The following TBL1X variants were observed in gnomAD, a reference collection of about 807,000 sequenced individuals.
TBL1X encodes the protein transducin beta like 1 X-linked.
A neutral mutation model predicts 50.7 loss-of-function variants in TBL1X; 10 were observed. That is an observed-to-expected ratio of 0.20 (90% CI 0.12 to 0.33). The LOEUF (loss-of-function observed/expected upper bound fraction) is 0.33, where lower values mean the gene tolerates loss of function less well. Ranked by LOEUF, TBL1X falls within the 10% of genes least tolerant of loss-of-function variation. The pLI is 1.00. For synonymous variants in TBL1X, 190 were observed against 214.7 expected (o/e 0.88, Z 1.01); for missense variants, 340 against 504.4 (o/e 0.67, Z 3.12).
At chrX:9,637,644 C>T (rs191601099) in intron 2 of TBL1X, 1 of 111,940 alleles carries the variant, frequency 8.9e-6, no homozygotes, top group East Asian at 2.8e-4. Context: ...GAGATCATCA[C>T]CCAGGGATTC....
chrX:9,503,472 ACTC>A (rs1213356891), intron 2 of TBL1X, among the ~76,000 whole-genome samples: 1 of 102,091 alleles, frequency 9.8e-6, no homozygotes, highest in South Asian at 4.1e-4. Flanking sequence ...AGCCCTTTGA[ACTC>A]CTGCAGGGAG....
chrX:9,612,404 T>A (rs970585092), intron 2 of TBL1X, among the ~76,000 whole-genome samples: 2 of 111,454 alleles, frequency 1.8e-5, no homozygotes, highest in African/African-American at 6.5e-5. Flanking sequence ...GAGCCATACA[T>A]GGAATTTATA....
chrX:9,481,200 A>G (rs1476061066), intron 1 of TBL1X, among the ~76,000 whole-genome samples: 2 of 112,201 alleles, frequency 1.8e-5, no homozygotes, highest in East Asian at 5.6e-4. Context: ...CAAGGCTCCC[A>G]TTAAGAGCTA....
At chrX:9,474,831 G>A (rs1330463829) in intron 1 of TBL1X, among the ~76,000 whole-genome samples, 1 of 112,734 alleles carries the variant, frequency 8.9e-6, no homozygotes, top group Non-Finnish European at 1.9e-5. Flanking sequence ...GAATTGAGTT[G>A]TGATAAAAGT....
At chrX:9,531,394 T>TGTGTGTTG (rs2082160668) in intron 2 of TBL1X, among the ~76,000 whole-genome samples, 1 of 106,615 alleles carries the variant, frequency 9.4e-6, no homozygotes, top group African/African-American at 3.5e-5. Context: ...TGTGTGTGTG[T>TGTGTGTTG]GTGTGTGTTG....
intron 2 of TBL1X, among the ~76,000 whole-genome samples, chrX:9,619,580 A>G (rs1412942616): frequency 4.4e-5 from 5 of 112,379 alleles, no homozygotes; most frequent in Non-Finnish European, 1.9e-5. Flanking sequence ...TCTCTCATAC[A>G]TTCAATGTTA....
intron 1 of TBL1X, among the ~76,000 whole-genome samples, chrX:9,494,890 A>ATCC (rs1321756604): frequency 7.1e-5 from 8 of 112,099 alleles, no homozygotes; most frequent in Non-Finnish European, 1.3e-4. Flanking sequence ...GTAAAACAGG[A>ATCC]AGGAGGAGTT....
At chrX:9,645,688 A>G (rs73188221) in intron 3 of TBL1X, among the ~76,000 whole-genome samples, 1,442 of 112,194 alleles carry the variant, frequency 0.013, 12 homozygotes, top group Non-Finnish European at 0.019. Context: ...TTTGCGGGGA[A>G]TATTTTCGTA....
intron 2 of TBL1X, among the ~76,000 whole-genome samples, chrX:9,514,248 C>T (rs1471823923): frequency 1.8e-5 from 2 of 111,138 alleles, no homozygotes; most frequent in Non-Finnish European, 1.9e-5. Flanking sequence ...GTAGGAAGAC[C>T]GGAGGCCAGT....
At chrX:9,601,115 A>T (rs754178292) in intron 2 of TBL1X, among the ~76,000 whole-genome samples, 2 of 111,750 alleles carry the variant, frequency 1.8e-5, no homozygotes, top group South Asian at 7.5e-4. Context: ...CAGTGCACAG[A>T]CCAGGGCAGA....
At chrX:9,519,734 C>T (rs1467723778) in intron 2 of TBL1X, among the ~76,000 whole-genome samples, 1 of 111,773 alleles carries the variant, frequency 8.9e-6, no homozygotes, top group Non-Finnish European at 1.9e-5. Context: ...CTTGACTTCT[C>T]CAGGCATTCA....
chrX:9,650,464 G>C (rs753929714), intron 3 of TBL1X, among the ~76,000 whole-genome samples: 1 of 112,334 alleles, frequency 8.9e-6, no homozygotes, highest in South Asian at 3.7e-4. Context: ...CTGTGCCTCA[G>C]TTTCCTCATC....
intron 5 of TBL1X, among the ~76,000 whole-genome samples, chrX:9,665,488 G>GATATAT (rs2082922066): frequency 1.3e-3 from 20 of 15,061 alleles, no homozygotes; most frequent in Non-Finnish European, 1.8e-3. Flanking sequence ...TGATATTCAA[G>GATATAT]CTATATATAT....
intron 2 of TBL1X, among the ~76,000 whole-genome samples, chrX:9,541,650 A>T (rs1157837049): frequency 8.9e-6 from 1 of 112,646 alleles, no homozygotes; most frequent in African/African-American, 3.2e-5. Context: ...GTAGTTCAAG[A>T]TTCAAAGTAT....
At chrX:9,507,641 C>G (rs1278350676) in intron 2 of TBL1X, among the ~76,000 whole-genome samples, 1 of 111,955 alleles carries the variant, frequency 8.9e-6, no homozygotes, top group Non-Finnish European at 1.9e-5. Flanking sequence ...CAAGACAATC[C>G]TAAGCAAAAA....
intron 2 of TBL1X, among the ~76,000 whole-genome samples, chrX:9,556,639 TTG>T (rs2146996642): frequency 9.1e-6 from 1 of 109,578 alleles, no homozygotes; most frequent in African/African-American, 3.3e-5. Flanking sequence ...GAACAAAATC[TTG>T]TCTCTATAAA....
At chrX:9,705,535 G>T (rs2083201418) in intron 13 of TBL1X, among the ~76,000 whole-genome samples, 3 of 110,598 alleles carry the variant, frequency 2.7e-5, no homozygotes, top group African/African-American at 9.9e-5. Flanking sequence ...CCAGAGGATT[G>T]CTTGAGGCCA....
intron 16 of TBL1X, among the ~76,000 whole-genome samples, chrX:9,713,421 CTTTTCTTTT>C (rs1316876035): frequency 3.4e-5 from 3 of 87,570 alleles, no homozygotes; most frequent in African/African-American, 4.6e-5. Context: ...ATCCTTAGGA[CTTTTCTTTT>C]TTTTTTTTTT....
chrX:9,648,528 G>A (rs2082816987), intron 3 of TBL1X, among the ~76,000 whole-genome samples: 1 of 112,099 alleles, frequency 8.9e-6, no homozygotes, highest in African/African-American at 3.3e-5. Flanking sequence ...TACACCCAGA[G>A]CTCCTGTGCT....
Sources: gnomAD v4.1 joint callset for allele counts (sites outside exome capture counted in the v4.1 genomes callset) on GRCh38, gnomAD v4.1.1 for gene constraint, MANE v1.5 for transcripts, NCBI Gene and HGNC (gene_info 2026-07-23, HGNC 2026-07-21) for gene names.